NAALADL2: variants seen among roughly 807,000 people sequenced by gnomAD.
NAALADL2 encodes the protein N-acetylated alpha-linked acidic dipeptidase like 2.
In NAALADL2, 76 loss-of-function variants were observed where a neutral mutation model predicts 87.2. The observed-to-expected ratio is 0.87, with a 90% CI of 0.72 to 1.05. The LOEUF (loss-of-function observed/expected upper bound fraction) is 1.05. Among genes scored for constraint, NAALADL2 ranks in the 50% least tolerant of loss-of-function variants. The pLI is 0.00. For missense variants in NAALADL2, 1,089 were observed against 945.8 expected (o/e 1.15, Z -1.99); for synonymous variants, 354 against 331.0 (o/e 1.07, Z -0.75).
intron 3 of NAALADL2, among the ~76,000 whole-genome samples, chr3:174,752,030 T>A (rs1421317586): frequency 6.6e-6 from 1 of 152,112 alleles, no homozygotes; most frequent in Non-Finnish European, 1.5e-5. Flanking sequence ...CAGGCTGGAG[T>A]GCAGTGGCGT....
chr3:175,342,668 A>T (rs1762686977), intron 5 of NAALADL2, among the ~76,000 whole-genome samples: 1 of 152,090 alleles, frequency 6.6e-6, no homozygotes, highest in Non-Finnish European at 1.5e-5. Flanking sequence ...GACTTTCTTA[A>T]ATTATGGCAA....
chr3:175,341,155 T>C (rs1344549689), intron 5 of NAALADL2, among the ~76,000 whole-genome samples: 1 of 152,126 alleles, frequency 6.6e-6, no homozygotes, highest in East Asian at 1.9e-4. Flanking sequence ...TAGCAGTTGT[T>C]CCCCATTCTC....
intron 2 of NAALADL2, chr3:174,551,408 T>C (rs941572387): frequency 2.6e-5 from 4 of 152,222 alleles, no homozygotes; most frequent in African/African-American, 9.6e-5. Context: ...GTTATTCAGA[T>C]AATTGTTTAT....
At chr3:175,702,302 G>T (rs906310786) in intron 11 of NAALADL2, among the ~76,000 whole-genome samples, 1 of 151,988 alleles carries the variant, frequency 6.6e-6, no homozygotes, top group African/African-American at 2.4e-5. Context: ...TTTATAAAAG[G>T]AATTTTCACT....
intron 11 of NAALADL2, among the ~76,000 whole-genome samples, chr3:175,637,923 T>G (rs1728771993): frequency 1.3e-5 from 2 of 152,166 alleles, no homozygotes; most frequent in South Asian, 4.1e-4. Flanking sequence ...CCTATAGAGA[T>G]ATTACATTAG....
chr3:174,620,249 G>A (rs979392262), intron 2 of NAALADL2, among the ~76,000 whole-genome samples: 2 of 151,968 alleles, frequency 1.3e-5, no homozygotes, highest in East Asian at 3.8e-4. Flanking sequence ...TCCTTGAGAT[G>A]GTTACAGATG....
chr3:175,465,471 A>ATTTTT (rs1560595976), intron 7 of NAALADL2, among the ~76,000 whole-genome samples: 1 of 129,034 alleles, frequency 7.7e-6, no homozygotes, highest in African/African-American at 3.4e-5. Flanking sequence ...CATGAATTAA[A>ATTTTT]TCTTTTTTTT....
intron 2 of NAALADL2, among the ~76,000 whole-genome samples, chr3:174,618,554 T>C (rs926790904): frequency 1.3e-5 from 2 of 151,824 alleles, no homozygotes; most frequent in African/African-American, 4.8e-5. Flanking sequence ...AGCTCAGAAC[T>C]CAACCTTGGA....
chr3:175,093,412 T>TATATATATATATA (rs1720507064), intron 1 of NAALADL2, among the ~76,000 whole-genome samples: 8 of 45,310 alleles, frequency 1.8e-4, no homozygotes, highest in Non-Finnish European at 3.2e-4. Context: ...TTCATTTTAT[T>TATATATATATATA]TTTTTATATA....
chr3:175,198,362 A>G (rs972589157), intron 2 of NAALADL2, among the ~76,000 whole-genome samples: 4 of 152,076 alleles, frequency 2.6e-5, no homozygotes, highest in Non-Finnish European at 5.9e-5. Flanking sequence ...ATATTACTTC[A>G]TACCTCTAAC....
chr3:174,592,687 T>TA (rs1717500006), intron 2 of NAALADL2, among the ~76,000 whole-genome samples: 1 of 152,152 alleles, frequency 6.6e-6, no homozygotes, highest in African/African-American at 2.4e-5. Flanking sequence ...GGCTCCTCAC[T>TA]AGCAGAAATA....
intron 4 of NAALADL2, among the ~76,000 whole-genome samples, chr3:175,258,179 G>A (rs914373857): frequency 2.0e-5 from 3 of 151,858 alleles, no homozygotes; most frequent in Non-Finnish European, 4.4e-5. Context: ...GTGGTGGCGG[G>A]CGCCTGTAGT....
intron 1 of NAALADL2, among the ~76,000 whole-genome samples, chr3:174,982,405 G>A (rs1472793628): frequency 6.6e-6 from 1 of 151,928 alleles, no homozygotes; most frequent in Non-Finnish European, 1.5e-5. Flanking sequence ...GTAGACTTTA[G>A]AGAGAGGCCT....
Position 175,283,016 on chromosome 3 carries a change from C to G in NAALADL2, c.939+26486C>G, listed in dbSNP as rs190248144. ...CAGCAATGACAATGATCAGTAACAACAAGACTTTTAACTTTGAAAAAATCA... is the reference window on the plus strand; with the variant it reads ...CAGCAATGACAATGATCAGTAACAAGAAGACTTTTAACTTTGAAAAAATCA... On this transcript the variant is annotated intron_variant, in intron 4 of 13. Transcript: ENST00000454872. 2.0e-3 allele frequency among the ~76,000 whole-genome samples: 300 copies of G among 151,028 alleles called. 1 individual carries two copies. Among genetic ancestry groups the G allele is most frequent in the African/African-American group, 7.1e-3 (292 of 41,104 alleles).
chr3:174,757,846 C>A (rs1712336618), intron 3 of NAALADL2, among the ~76,000 whole-genome samples: 1 of 151,896 alleles, frequency 6.6e-6, no homozygotes, highest in South Asian at 2.1e-4. Flanking sequence ...TAGTTTACAG[C>A]AAAAATCTTA....
intron 9 of NAALADL2, among the ~76,000 whole-genome samples, chr3:175,541,517 A>G (rs1712332286): frequency 6.6e-6 from 1 of 152,220 alleles, no homozygotes; most frequent in African/African-American, 2.4e-5. Context: ...AAAGTTAAAA[A>G]CAAAATATCT....
intron 4 of NAALADL2, among the ~76,000 whole-genome samples, chr3:175,288,269 C>T (rs1334514156): frequency 6.6e-6 from 1 of 152,126 alleles, no homozygotes; most frequent in Non-Finnish European, 1.5e-5. Context: ...GGGATGGTAA[C>T]ATTTTTGTTC....
At chr3:174,984,769 A>C (rs75956605) in intron 1 of NAALADL2, among the ~76,000 whole-genome samples, 1 of 152,340 alleles carries the variant, frequency 6.6e-6, no homozygotes, top group Non-Finnish European at 1.5e-5. Context: ...TAGGGAAGGC[A>C]CATACAATTG....
intron 1 of NAALADL2, among the ~76,000 whole-genome samples, chr3:174,526,562 A>T (rs1417393072): frequency 6.6e-6 from 1 of 152,242 alleles, no homozygotes; most frequent in Admixed American, 6.5e-5. Context: ...TTGATGAATC[A>T]CTTTCATAAT....
Sources: allele counts gnomAD v4.1 joint callset (sites outside exome capture counted in the v4.1 genomes callset), GRCh38; gene constraint gnomAD v4.1.1; transcripts MANE v1.5; gene names NCBI Gene and HGNC (gene_info 2026-07-23, HGNC 2026-07-21).